The following BUB1 variants were observed in gnomAD, a reference collection of about 807,000 sequenced individuals.
The protein encoded by BUB1 is BUB1 mitotic checkpoint serine/threonine kinase, also known as mitotic checkpoint serine/threonine-protein kinase BUB1.
In BUB1, 84 loss-of-function variants were observed where a neutral mutation model predicts 135.2. The ratio of observed to expected loss-of-function variants is 0.62; its 90% CI spans 0.52 to 0.74. The LOEUF (loss-of-function observed/expected upper bound fraction) is 0.74, where lower values mean the gene tolerates loss of function less well. BUB1 is among the 30% of genes least tolerant of loss of function. The pLI is 0.00. For synonymous variants in BUB1, 403 were observed against 434.4 expected, an observed-to-expected ratio of 0.93 and a Z score of 0.90; for missense variants, 1,162 against 1,288.3, an observed-to-expected ratio of 0.90 and a Z score of 1.50.
chr2:110,650,115 A>C (rs549512458), intron 18 of BUB1, among the ~76,000 whole-genome samples: 2 of 133,050 alleles, frequency 1.5e-5, no homozygotes, highest in African/African-American at 5.7e-5. Flanking sequence ...TACTTAGGTG[A>C]GGGAGCTAGG....
intron 16 of BUB1, 123 bp downstream of exon 16, chr2:110,655,616 T>C (rs2104533826): frequency 2.1e-6 from 2 of 975,124 alleles, no homozygotes; most frequent in Non-Finnish European, 2.9e-6. Flanking sequence ...GTTTCTTCTT[T>C]ATGATTTTCA....
At position 110,655,104 on chromosome 2, in the gene BUB1, T is replaced by G. The variant is rs142286964; in HGVS notation, c.1876+635A>C. On this transcript the variant is annotated intron_variant, in intron 16 of 24. Coordinates refer to ENST00000302759, the MANE Select transcript of BUB1 (RefSeq NM_004336.5). ...CAATTATCTGTGCTCAATGACAATG[T>G]CATATGTTAGGATTCAATTCAGATA... is the stretch of plus-strand genomic sequence containing the variant. Among the ~76,000 whole-genome samples, 73 of 152,352 alleles carry G rather than the reference T, an allele frequency of 4.8e-4. No homozygotes were observed. The East Asian group carries it at 0.013, about 27-fold the overall frequency.
chr2:110,670,125 G>A (rs1690378612), intron 5 of BUB1, among the ~76,000 whole-genome samples: 1 of 146,604 alleles, frequency 6.8e-6, no homozygotes, highest in Admixed American at 6.8e-5. Flanking sequence ...AAATTGGATG[G>A]GTTTTTTTTT....
Sources: allele counts gnomAD v4.1 joint callset (sites outside exome capture counted in the v4.1 genomes callset), GRCh38; gene constraint gnomAD v4.1.1; transcripts MANE v1.5; gene names NCBI Gene and HGNC (gene_info 2026-07-23, HGNC 2026-07-21).